ADGRL2: variants seen among roughly 807,000 people sequenced by gnomAD.
ADGRL2 encodes calcium-independent alpha-latrotoxin receptor 2.
In ADGRL2, 44 loss-of-function variants were observed where a neutral mutation model predicts 157.4. That is an observed-to-expected ratio of 0.28 (90% confidence interval 0.22 to 0.36). ADGRL2 has a LOEUF of 0.36. ADGRL2 is among the 10% of genes least tolerant of loss of function. ADGRL2 has a pLI of 1.00. For synonymous variants in ADGRL2, 585 were observed against 624.7 expected (o/e 0.94, Z 0.95); for missense variants, 1,510 against 1,768.9 (o/e 0.85, Z 2.63).
At chr1:81,871,409 CTT>C (rs2093691064) in intron 2 of ADGRL2, among the ~76,000 whole-genome samples, 1 of 152,106 alleles carries the variant, frequency 6.6e-6, no homozygotes, top group Non-Finnish European at 1.5e-5. Context: ...ATGCATGTGT[CTT>C]TATAGCAGCA....
At chr1:81,990,287 A>T in intron 23 of ADGRL2, 104 bp from the exon 24 acceptor site, 1 of 1,509,374 alleles carries the variant, frequency 6.6e-7, no homozygotes. Flanking sequence ...GCTTTCAAAT[A>T]CAACTTTGTC....
chr1:81,624,848 TAAAAG>T (rs1204639745), intron 3 of ADGRL2, among the ~76,000 whole-genome samples: 4 of 152,178 alleles, frequency 2.6e-5, no homozygotes, highest in Non-Finnish European at 5.9e-5. Context: ...CAATTCCGTA[TAAAAG>T]AAGAGGCTGA....
intron 2 of ADGRL2, among the ~76,000 whole-genome samples, chr1:81,517,101 A>T (rs985414463): frequency 1.3e-5 from 2 of 152,184 alleles, no homozygotes; most frequent in African/African-American, 4.8e-5. Flanking sequence ...AGAGTAGCTT[A>T]AACTAATAAT....
chr1:81,360,257 C>A (rs752880284), intron 1 of ADGRL2, among the ~76,000 whole-genome samples: 2 of 151,972 alleles, frequency 1.3e-5, no homozygotes. Context: ...GCTTAGAATT[C>A]TTTGTCCCTA....
chr1:81,873,869 G>A (rs1269888631), intron 2 of ADGRL2, among the ~76,000 whole-genome samples: 2 of 152,038 alleles, frequency 1.3e-5, no homozygotes, highest in East Asian at 3.8e-4. Flanking sequence ...ATAAAGTATT[G>A]AAATTTACTA....
chr1:81,367,946 G>C (rs1291366968), intron 1 of ADGRL2, among the ~76,000 whole-genome samples: 1 of 152,160 alleles, frequency 6.6e-6, no homozygotes, highest in Non-Finnish European at 1.5e-5. Flanking sequence ...ATTTGGATTT[G>C]TTCCATGACT....
chr1:81,350,892 C>A lies in ADGRL2; in HGVS notation c.-302+44383C>A, dbSNP rs115124988. On this transcript the variant is annotated intron_variant, in intron 1 of 24. Transcript: ENST00000370721. The stretch of plus-strand genomic sequence containing the variant: ...TGATCATGAAAAGAAGAATTTTGCT[C>A]ATTTTTATTGACTTATGGCTCAAAG... Among the ~76,000 whole-genome samples, 1,396 of 152,210 alleles carry A rather than the reference C, an allele frequency of 9.2e-3. 19 individuals are homozygous for A. Among genetic ancestry groups the A allele is most frequent in the African/African-American group, 0.032 (1,315 of 41,538 alleles).
intron 1 of ADGRL2, among the ~76,000 whole-genome samples, chr1:81,413,055 T>C (rs1361536718): frequency 6.6e-6 from 1 of 152,186 alleles, no homozygotes; most frequent in African/African-American, 2.4e-5. Context: ...TTGGCTTGAT[T>C]TCACTCCTCT....
intron 23 of ADGRL2, chr1:81,989,686 C>T (rs1664183545): frequency 5.0e-6 from 8 of 1,611,166 alleles, no homozygotes; most frequent in Non-Finnish European, 6.8e-6. Flanking sequence ...CCTGAGCAGA[C>T]AGACATGATG....
At chr1:81,683,768 T>C (rs2083169808) in intron 3 of ADGRL2, among the ~76,000 whole-genome samples, 1 of 152,100 alleles carries the variant, frequency 6.6e-6, no homozygotes, top group Non-Finnish European at 1.5e-5. Context: ...CAATTGTGAA[T>C]TGTGCTGCTA....
chr1:81,991,106 T>C lies in ADGRL2; in HGVS notation c.4371T>C (p.Asp1457=), dbSNP rs1664530419. 4 of 1,610,216 alleles carry C rather than the reference T, an allele frequency of 2.5e-6. No homozygotes were observed. The highest frequency in any genetic ancestry group is 3.3e-5 in the Admixed American group (2 of 59,924). The change falls in exon 24 of 24, where the codon GAT becomes GAC. Residue 1457 remains aspartate, a synonymous_variant. Transcript: ENST00000686636. ...AAGAAGGGTGTATTCCAGAAGGAGATGTTAGAGAAGGACAAATGCAGCTGG... is the reference window on the plus strand; with the variant it reads ...AAGAAGGGTGTATTCCAGAAGGAGACGTTAGAGAAGGACAAATGCAGCTGG... ...INKEGCIPEG[D]VREGQMQLVT... is the part of the protein sequence containing the mutation.
At chr1:81,963,253 T>C (rs1267073538) in intron 11 of ADGRL2, among the ~76,000 whole-genome samples, 5 of 152,080 alleles carry the variant, frequency 3.3e-5, no homozygotes, top group Non-Finnish European at 7.4e-5. Context: ...CGATTGATGT[T>C]GCTCATAGCA....
At chr1:81,440,373 TGAAG>T (rs1358407547) in intron 1 of ADGRL2, among the ~76,000 whole-genome samples, 1 of 152,210 alleles carries the variant, frequency 6.6e-6, no homozygotes, top group Non-Finnish European at 1.5e-5. Context: ...AAGTGCTCTG[TGAAG>T]GATGATTGTG....
intron 2 of ADGRL2, among the ~76,000 whole-genome samples, chr1:81,522,905 G>A (rs2079356985): frequency 6.6e-6 from 1 of 152,044 alleles, no homozygotes; most frequent in African/African-American, 2.4e-5. Flanking sequence ...ACATTCAAAG[G>A]TTCAGTAGGA....
intron 1 of ADGRL2, among the ~76,000 whole-genome samples, chr1:81,348,171 G>T (rs372557617): frequency 6.6e-6 from 1 of 152,100 alleles, no homozygotes; most frequent in Admixed American, 6.5e-5. Context: ...GGACAGCAAA[G>T]CATCACATCG....
intron 2 of ADGRL2, among the ~76,000 whole-genome samples, chr1:81,529,513 A>G (rs958395915): frequency 6.6e-6 from 1 of 152,254 alleles, no homozygotes; most frequent in Non-Finnish European, 1.5e-5. Flanking sequence ...TACTTATTGA[A>G]TGCTTATCTT....
At chr1:81,684,205 C>G (rs763389538) in intron 3 of ADGRL2, among the ~76,000 whole-genome samples, 73 of 152,288 alleles carry the variant, frequency 4.8e-4, no homozygotes, top group Admixed American at 1.4e-3. Context: ...TAAGGAATCT[C>G]CACTCTGTTT....
intron 1 of ADGRL2, among the ~76,000 whole-genome samples, chr1:81,716,679 T>C (rs2084127844): frequency 6.6e-6 from 1 of 152,106 alleles, no homozygotes; most frequent in African/African-American, 2.4e-5. Context: ...ACAAAATCAG[T>C]ATCTAAGAAC....
At chr1:81,637,334 A>G (rs1263746733) in intron 3 of ADGRL2, among the ~76,000 whole-genome samples, 1 of 152,160 alleles carries the variant, frequency 6.6e-6, no homozygotes, top group Non-Finnish European at 1.5e-5. Flanking sequence ...ATAATCTTCA[A>G]TTTCTGAAGA....
Sources: gnomAD v4.1 joint callset for allele counts (sites outside exome capture counted in the v4.1 genomes callset) on GRCh38, gnomAD v4.1.1 for gene constraint, MANE v1.5 for transcripts, NCBI Gene and HGNC (gene_info 2026-07-23, HGNC 2026-07-21) for gene names.